Variants in ANKRD13C observed in about 807,000 individuals in gnomAD.
ANKRD13C encodes the protein ankyrin repeat domain-containing protein 13C.
Under a neutral mutation model 65.5 loss-of-function variants are expected in ANKRD13C, and 16 were observed. The ratio of observed to expected loss-of-function variants is 0.24; its 90% CI spans 0.17 to 0.37. The LOEUF (loss-of-function observed/expected upper bound fraction) is 0.37, where lower values mean the gene tolerates loss of function less well. ANKRD13C is among the 10% of genes least tolerant of loss of function. The pLI is 1.00. For synonymous variants in ANKRD13C, 235 were observed against 238.7 expected (o/e 0.98, Z 0.14); for missense variants, 503 against 655.9 (o/e 0.77, Z 2.55).
intron 3 of ANKRD13C, among the ~76,000 whole-genome samples, chr1:70,324,299 T>C (rs1489463120): frequency 6.6e-6 from 1 of 152,138 alleles, no homozygotes; most frequent in Admixed American, 6.6e-5. Flanking sequence ...ATAAGATCTG[T>C]ATGTGAAGTT....
chr1:70,300,448 C>A (rs1342106312), intron 7 of ANKRD13C, among the ~76,000 whole-genome samples: 1 of 151,968 alleles, frequency 6.6e-6, no homozygotes, highest in African/African-American at 2.4e-5. Flanking sequence ...ATTAGCCGGG[C>A]TTGGTGGCGG....
At chr1:70,339,387 G>A (rs2101604239) in intron 1 of ANKRD13C, among the ~76,000 whole-genome samples, 1 of 146,078 alleles carries the variant, frequency 6.8e-6, no homozygotes, top group Middle Eastern at 3.6e-3. Flanking sequence ...GCACGATCTC[G>A]GCTCACTGTA....
At chr1:70,353,880 G>C in intron 1 of ANKRD13C, 99 bp downstream of exon 1, 1 of 1,394,156 alleles carries the variant, frequency 7.2e-7, no homozygotes, top group East Asian at 2.6e-5. Flanking sequence ...TGGGCAAAAA[G>C]AAGAGTCTGC....
chr1:70,297,992 A>G (rs185193099), intron 7 of ANKRD13C, among the ~76,000 whole-genome samples: 1 of 152,002 alleles, frequency 6.6e-6, no homozygotes, highest in Non-Finnish European at 1.5e-5. Flanking sequence ...CATTTCCTCT[A>G]CCCCTACAAG....
chr1:70,346,574 C>CT (rs1682534906), intron 1 of ANKRD13C, among the ~76,000 whole-genome samples: 1 of 152,108 alleles, frequency 6.6e-6, no homozygotes, highest in Non-Finnish European at 1.5e-5. Context: ...CTACAGACTC[C>CT]TTCAAGTCTG....
chr1:70,353,677 G>A (rs1211737211), intron 1 of ANKRD13C, among the ~76,000 whole-genome samples: 1 of 152,176 alleles, frequency 6.6e-6, no homozygotes, highest in Non-Finnish European at 1.5e-5. Context: ...ACCATGTTGG[G>A]TGGGAGGCAA....
chr1:70,345,072 G>A (rs1682469627), intron 1 of ANKRD13C, among the ~76,000 whole-genome samples: 1 of 152,092 alleles, frequency 6.6e-6, no homozygotes, highest in Admixed American at 6.6e-5. Flanking sequence ...TGATAAGAGT[G>A]GGAGTATTTT....
At chr1:70,338,695 C>T (rs1682168100) in intron 1 of ANKRD13C, among the ~76,000 whole-genome samples, 1 of 152,152 alleles carries the variant, frequency 6.6e-6, no homozygotes, top group Non-Finnish European at 1.5e-5. Flanking sequence ...CCACCACGCC[C>T]GGCCCTTAAG....
intron 12 of ANKRD13C, among the ~76,000 whole-genome samples, chr1:70,269,465 A>G (rs1315594563): frequency 6.6e-6 from 1 of 152,240 alleles, no homozygotes; most frequent in Non-Finnish European, 1.5e-5. Flanking sequence ...GTCTCTTAAC[A>G]GTACCTAGAA....
chr1:70,284,727 G>A (rs1285150626), intron 9 of ANKRD13C, among the ~76,000 whole-genome samples: 3 of 152,092 alleles, frequency 2.0e-5, no homozygotes, highest in Non-Finnish European at 4.4e-5. Context: ...ATGGGCAATG[G>A]CACTCACCTC....
chr1:70,313,569 T>C (rs1374136957), intron 5 of ANKRD13C, among the ~76,000 whole-genome samples, 176 bp downstream of exon 5: 1 of 151,756 alleles, frequency 6.6e-6, no homozygotes, highest in Non-Finnish European at 1.5e-5. Flanking sequence ...ACTAATCAAG[T>C]TGGAATAACT....
At chr1:70,338,460 G>C (rs1398823917) in intron 1 of ANKRD13C, among the ~76,000 whole-genome samples, 1 of 152,188 alleles carries the variant, frequency 6.6e-6, no homozygotes, top group African/African-American at 2.4e-5. Context: ...GGAGTGCAGA[G>C]GCCGATCTGG....
intron 11 of ANKRD13C, among the ~76,000 whole-genome samples, chr1:70,271,421 C>A (rs1678874906): frequency 1.3e-5 from 2 of 152,264 alleles, no homozygotes; most frequent in South Asian, 4.1e-4. Flanking sequence ...TCATATTAGT[C>A]ATTATGCTAT....
chr1:70,347,432 C>A (rs371310160), intron 1 of ANKRD13C, among the ~76,000 whole-genome samples: 2 of 152,120 alleles, frequency 1.3e-5, no homozygotes, highest in African/African-American at 4.8e-5. Flanking sequence ...GCTATCCTAC[C>A]GAAAACTCAA....
At chr1:70,280,917 T>C (rs1679358529) in intron 9 of ANKRD13C, among the ~76,000 whole-genome samples, 1 of 151,900 alleles carries the variant, frequency 6.6e-6, no homozygotes, top group Non-Finnish European at 1.5e-5. Flanking sequence ...GGACAGAAAA[T>C]AGACTAAATA....
intron 8 of ANKRD13C, chr1:70,293,409 T>C (rs1679945503): frequency 1.5e-5 from 3 of 206,126 alleles, no homozygotes; most frequent in African/African-American, 7.1e-5. Flanking sequence ...TGTTCAGAGT[T>C]GTGTTCCAGT....
chr1:70,259,066 G>A lies in ANKRD13C; in HGVS notation c.*3651C>T, dbSNP rs1472447898. Among the ~76,000 whole-genome samples the A allele has an allele frequency of 6.6e-6, 1 of 152,120 alleles. No individual in the cohort carries two copies. The highest frequency in any genetic ancestry group is 1.5e-5 in the Non-Finnish European group (1 of 68,024). On this transcript the variant is annotated 3_prime_UTR_variant, in exon 13 of 13. Coordinates refer to ENST00000370944, the MANE Select transcript of ANKRD13C (RefSeq NM_030816.5). ...GGTATGCTATACCACCTAGGTTTGT[G>A]TAAGTACACCCAATATGGTTCTCAC... is the stretch of plus-strand genomic sequence containing the variant.
At chr1:70,273,027 T>TAAATA (rs1244661729) in intron 11 of ANKRD13C, among the ~76,000 whole-genome samples, 4 of 129,242 alleles carry the variant, frequency 3.1e-5, no homozygotes, top group Admixed American at 8.0e-5. Context: ...ATAAATAAAA[T>TAAATA]AATAAAATAA....
intron 12 of ANKRD13C, among the ~76,000 whole-genome samples, chr1:70,263,664 A>C (rs1051809547): frequency 1.3e-5 from 2 of 152,124 alleles, no homozygotes; most frequent in African/African-American, 2.4e-5. Flanking sequence ...AAAACTCTGA[A>C]ATGAGGTTGG....
Sources: gnomAD v4.1 joint callset for allele counts (sites outside exome capture counted in the v4.1 genomes callset) on GRCh38, gnomAD v4.1.1 for gene constraint, MANE v1.5 for transcripts, NCBI Gene and HGNC (gene_info 2026-07-23, HGNC 2026-07-21) for gene names.